NDUFAF4: variants seen among roughly 807,000 people sequenced by gnomAD.
The protein encoded by NDUFAF4 is NADH:ubiquinone oxidoreductase complex assembly factor 4, also known as NADH dehydrogenase [ubiquinone] 1 alpha subcomplex assembly factor 4.
NDUFAF4 carries 10 observed loss-of-function variants against 15.6 expected under a neutral mutation model. The observed-to-expected ratio is 0.64, with a 90% CI of 0.40 to 1.09. NDUFAF4 has a LOEUF of 1.09. Among genes scored for constraint, NDUFAF4 ranks in the 50% least tolerant of loss-of-function variants. The probability of loss-of-function intolerance (pLI) is 0.01; values close to 1 mark genes in which losing one functional copy is unlikely to be tolerated. For synonymous variants in NDUFAF4, 77 were observed against 73.3 expected (o/e 1.05, Z -0.26); for missense variants, 203 against 207.3 (o/e 0.98, Z 0.13).
At position 96,897,691 on chromosome 6, in the gene NDUFAF4, G is replaced by T. The variant is rs139675421; in HGVS notation, c.111C>A (p.Asn37Lys). ...GACTAATCTGCTCTCGCAGGAGGCT[G>T]TTGGTAGAGGGGTGTCTGGGAGCGA... is the stretch of plus-strand genomic sequence containing the variant. ...PSVAPRHPST[N>K]SLLREQISLY... Residue 37 changes from asparagine to lysine, a missense_variant, in exon 1 of 3, where the codon AAC becomes AAA. Physicochemically the swap from Asn to Lys is moderately conservative, Grantham distance 94. Coordinates refer to ENST00000316149, the MANE Select transcript of NDUFAF4 (RefSeq NM_014165.4). 3.1e-6 allele frequency: 5 copies of T among 1,614,168 alleles called. No individual in the cohort carries two copies. The highest frequency in any genetic ancestry group is 3.4e-6 in the Non-Finnish European group (4 of 1,179,992).
chr6:96,893,901 G>A (rs540842538), intron 2 of NDUFAF4, among the ~76,000 whole-genome samples: 3 of 152,114 alleles, frequency 2.0e-5, no homozygotes, highest in Admixed American at 6.6e-5. Flanking sequence ...GCATGTTAAT[G>A]TATACAACAC....
rs369458290 is a variant in NDUFAF4 at position 96,891,344 on chromosome 6, C to T, written c.288G>A (p.Pro96=). The part of the protein sequence containing the change: ...TCQEPKEFRL[P]KDHHFDMINI... ...TTATCATATCAAAATGATGGTCTTTCGGCAATCTGAATTCCTTCGGCTCTT... is the reference window on the plus strand; with the variant it reads ...TTATCATATCAAAATGATGGTCTTTTGGCAATCTGAATTCCTTCGGCTCTT... Residue 96 remains proline, a synonymous_variant, in exon 3 of 3, where the codon CCG becomes CCA. Coordinates refer to ENST00000316149, the MANE Select transcript of NDUFAF4 (RefSeq NM_014165.4). 1.9e-5 allele frequency: 30 copies of T among 1,613,154 alleles called. No individual in the cohort carries two copies. The highest frequency in any genetic ancestry group is 3.3e-5 in the Admixed American group (2 of 59,914).
rs1477243877 is a variant in NDUFAF4 at position 96,890,186 on chromosome 6, C to T, written c.*918G>A. ...GGATGAAATGGCAATTTCTCAGGTCCCTTCCAATGATCCTGTTCTCTGCTT... is the reference window on the plus strand; with the variant it reads ...GGATGAAATGGCAATTTCTCAGGTCTCTTCCAATGATCCTGTTCTCTGCTT... On this transcript the variant is annotated 3_prime_UTR_variant, in exon 3 of 3. Coordinates refer to ENST00000316149, the MANE Select transcript of NDUFAF4 (RefSeq NM_014165.4). 6.6e-6 allele frequency: 1 copy of T among 152,038 alleles called. No homozygotes were observed. The highest frequency in any genetic ancestry group is 1.5e-5 in the Non-Finnish European group (1 of 67,998). 9.4% of individuals were successfully genotyped at this position (152,038 alleles called of 1,614,324 possible).
At chr6:96,891,591 T>C (rs1022642641) in intron 2 of NDUFAF4, among the ~76,000 whole-genome samples, 200 bp from the exon 3 acceptor site, 5 of 151,746 alleles carry the variant, frequency 3.3e-5, no homozygotes, top group African/African-American at 1.2e-4. Flanking sequence ...ATCATGGGAG[T>C]GGATTTCCCT....
Position 96,897,747 on chromosome 6 carries a change from C to G in NDUFAF4, c.55G>C (p.Glu19Gln), listed in dbSNP as rs1276401997. The change falls in exon 1 of 3, where the codon GAA becomes CAA. Residue 19 changes from glutamate to glutamine, a missense_variant. Glu to Gln is a conservative substitution (Grantham distance 29, BLOSUM62 2). Coordinates refer to ENST00000316149, the MANE Select transcript of NDUFAF4 (RefSeq NM_014165.4). ...IRNFNLENRA[E>Q]REISKMKPSV... ...GGCTTCATCTTGCTGATTTCCCGTT[C>G]CGCTCGGTTCTCTAGGTTGAAATTC... is the stretch of plus-strand genomic sequence containing the variant. 2 of 1,614,054 alleles carry G rather than the reference C, an allele frequency of 1.2e-6. No homozygotes were observed. The highest frequency in any genetic ancestry group is 3.3e-5 in the Admixed American group (2 of 60,016).
At position 96,893,810 on chromosome 6, in the gene NDUFAF4, A is replaced by G. The variant is rs376966586; in HGVS notation, c.241-2419T>C. Among the ~76,000 whole-genome samples the G allele has an allele frequency of 3.3e-5, 5 of 152,224 alleles. No individual in the cohort carries two copies. In the East Asian group the frequency reaches 9.6e-4, roughly 29 times the overall value. ...AAGTATTTTTTAATCGAAAACAAGTATCATTCTATTATAATTAATGCTGAA... is the reference window on the plus strand; with the variant it reads ...AAGTATTTTTTAATCGAAAACAAGTGTCATTCTATTATAATTAATGCTGAA... On this transcript the variant is annotated intron_variant, in intron 2 of 2. Transcript: ENST00000316149.
chr6:96,896,888 A>C (rs1234814317), intron 1 of NDUFAF4, 41 bp from the exon 2 acceptor site: 1 of 1,354,492 alleles, frequency 7.4e-7, no homozygotes, highest in South Asian at 1.2e-5. Context: ...AATCAAGGAA[A>C]ATTTCCTGTA....
rs1377155237 is a variant in NDUFAF4 at position 96,889,690 on chromosome 6, C to T, written c.*1414G>A. The T allele has an allele frequency of 6.6e-6, 1 of 152,534 alleles. No homozygotes were observed. The allele number at this position is 152,534 out of a possible 1,614,324, so 9.4% of individuals were successfully genotyped here. The stretch of plus-strand genomic sequence containing the variant: ...ATCACATTGAATTCTTCAACATCCT[C>T]TATATCATTTCCAGGGGCATCTCTG... On this transcript the variant is annotated 3_prime_UTR_variant, in exon 3 of 3. Coordinates refer to ENST00000316149, the MANE Select transcript of NDUFAF4 (RefSeq NM_014165.4).
rs76053794 is a variant in NDUFAF4 at position 96,894,516 on chromosome 6, C to T, written c.240+2228G>A. ...AACATGGATAATAAGAATGAATCTT[C>T]GAACCCTGAAATTGTTGTAACTGTT... is the stretch of plus-strand genomic sequence containing the variant. On this transcript the variant is annotated intron_variant, in intron 2 of 2. Transcript: ENST00000316149. Among the ~76,000 whole-genome samples the T allele has an allele frequency of 1.8e-3, 273 of 152,248 alleles. 2 individuals are homozygous for T. Among genetic ancestry groups the T allele is most frequent in the African/African-American group, 6.0e-3 (251 of 41,536 alleles).
rs1562146107 is a variant in NDUFAF4 at position 96,896,821 on chromosome 6, CAA to C, written c.161_162del (p.Ile54SerfsTer3). 1 of 1,613,810 alleles carries C rather than the reference CAA, an allele frequency of 6.2e-7. No homozygotes were observed. Among genetic ancestry groups the C allele is most frequent in the Non-Finnish European group, 8.5e-7 (1 of 1,179,836 alleles). On this transcript the variant is annotated frameshift_variant, in exon 2 of 3. Transcript: ENST00000316149. LOFTEE classifies it high-confidence loss of function. ...ISLYPEVKGE[I>X]ARKDEKLLSF... ...GACAGCAGCTTTTCATCTTTACGAG[CAA>C]TCTCTCCTTTAACTTCTGGATAGAC...
intron 2 of NDUFAF4, among the ~76,000 whole-genome samples, chr6:96,892,342 C>T (rs1775326578): frequency 6.6e-6 from 1 of 152,202 alleles, no homozygotes; most frequent in Non-Finnish European, 1.5e-5. Context: ...CACGTGTGCT[C>T]TGCATTCCAT....
rs1342356842 is a variant in NDUFAF4 at position 96,889,358 on chromosome 6, A to G, written c.*1746T>C. The G allele has an allele frequency of 6.6e-6, 1 of 152,232 alleles. No individual in the cohort carries two copies. Among genetic ancestry groups the G allele is most frequent in the Non-Finnish European group, 1.5e-5 (1 of 68,036 alleles). The allele number at this position is 152,232 out of a possible 1,614,324, so 9.4% of individuals were successfully genotyped here. On this transcript the variant is annotated 3_prime_UTR_variant, in exon 3 of 3. Coordinates refer to ENST00000316149, the MANE Select transcript of NDUFAF4 (RefSeq NM_014165.4). ...TTTATTTTATCATGTGACACCACATAACAGATGCCTAACCACACAATGTAG... is the reference window on the plus strand; with the variant it reads ...TTTATTTTATCATGTGACACCACATGACAGATGCCTAACCACACAATGTAG...
chr6:96,897,607 A>T, intron 1 of NDUFAF4, 59 bp downstream of exon 1: 1 of 1,608,712 alleles, frequency 6.2e-7, no homozygotes, highest in Non-Finnish European at 8.5e-7. Flanking sequence ...CGCTAGGGAC[A>T]GCCGGGCAGC....
chr6:96,895,886 A>T (rs75294948), intron 2 of NDUFAF4, among the ~76,000 whole-genome samples: 1 of 152,156 alleles, frequency 6.6e-6, no homozygotes, highest in Admixed American at 6.5e-5. Context: ...GAAAAAAAAA[A>T]TCTGGAAGTT....
intron 2 of NDUFAF4, among the ~76,000 whole-genome samples, chr6:96,892,457 T>A (rs1184695828): frequency 6.6e-6 from 1 of 152,220 alleles, no homozygotes; most frequent in Non-Finnish European, 1.5e-5. Context: ...CTATAGTTAC[T>A]ATGTTTTTTA....
At position 96,890,854 on chromosome 6, in the gene NDUFAF4, T is replaced by C; in HGVS notation, c.*250A>G. 1 of 388,952 alleles carries C rather than the reference T, an allele frequency of 2.6e-6. No individual in the cohort carries two copies. Among genetic ancestry groups the C allele is most frequent in the South Asian group, 3.1e-5 (1 of 32,436 alleles). 24.1% of individuals were successfully genotyped at this position (388,952 alleles called of 1,614,324 possible). A position where few individuals can be genotyped will look rare whatever the true frequency, so the allele number is the denominator to read the frequency against. On this transcript the variant is annotated 3_prime_UTR_variant, in exon 3 of 3. Transcript: ENST00000316149. Reference sequence around the variant, plus strand: ...AAATAACAAATTAACTCTTTCACCATAATAAAGGTACAGATGTGCTCAGTC... The same window carrying C: ...AAATAACAAATTAACTCTTTCACCACAATAAAGGTACAGATGTGCTCAGTC...
chr6:96,894,256 T>A (rs1055908985), intron 2 of NDUFAF4, among the ~76,000 whole-genome samples: 6 of 152,218 alleles, frequency 3.9e-5, no homozygotes, highest in Non-Finnish European at 8.8e-5. Context: ...GTATCCATGC[T>A]GTACAGGCTA....
In NDUFAF4 at chr6:96,897,805, C is replaced by T. The variant is rs1775409816; in HGVS notation, c.-4G>A. On this transcript the variant is annotated 5_prime_UTR_variant, in exon 1 of 3. Coordinates refer to ENST00000316149, the MANE Select transcript of NDUFAF4 (RefSeq NM_014165.4). ...CGCGAATCACTAGTGCTCCCATCTC[C>T]TCATAACATTATGCGCTCAGGTTCA... 3 of 1,614,154 alleles carry T rather than the reference C, an allele frequency of 1.9e-6. No individual in the cohort carries two copies. Among genetic ancestry groups the T allele is most frequent in the African/African-American group, 1.3e-5 (1 of 75,066 alleles).
At chr6:96,896,599 G>C (rs534382010) in intron 2 of NDUFAF4, 145 bp downstream of exon 2, 8 of 691,660 alleles carry the variant, frequency 1.2e-5, no homozygotes, top group South Asian at 6.2e-5. Context: ...TCTTACACCA[G>C]TGTGCTTAAA....
Sources: allele counts gnomAD v4.1 joint callset (sites outside exome capture counted in the v4.1 genomes callset), GRCh38; gene constraint gnomAD v4.1.1; transcripts MANE v1.5; gene names NCBI Gene and HGNC (gene_info 2026-07-23, HGNC 2026-07-21).